Variants in CNTN4 observed in about 807,000 individuals in gnomAD.
CNTN4 encodes the protein contactin-4.
Under a neutral mutation model 122.5 loss-of-function variants are expected in CNTN4, and 77 were observed. That is an observed-to-expected ratio of 0.63 (90% confidence interval 0.52 to 0.76). The LOEUF (loss-of-function observed/expected upper bound fraction) is 0.76. CNTN4 is among the 30% of genes least tolerant of loss of function. CNTN4 has a pLI of 0.00. For synonymous variants in CNTN4, 512 were observed against 447.0 expected (o/e 1.15, Z -1.83); for missense variants, 1,256 against 1,259.1 (o/e 1.00, Z 0.04).
At chr3:2,806,776 C>A (rs2092477380) in intron 6 of CNTN4, among the ~76,000 whole-genome samples, 1 of 152,160 alleles carries the variant, frequency 6.6e-6, no homozygotes, top group Admixed American at 6.5e-5. Flanking sequence ...TGTCACTTGG[C>A]ACTACTTCAC....
intron 3 of CNTN4, among the ~76,000 whole-genome samples, chr3:2,451,477 G>A (rs9853310): frequency 0.4 from 58,901 of 148,734 alleles, 13,663 homozygotes; most frequent in East Asian, 0.77. Context: ...GACAACCCCA[G>A]AGGGTTGAAA....
chr3:2,216,966 A>C (rs149633950), intron 2 of CNTN4, among the ~76,000 whole-genome samples: 1 of 152,202 alleles, frequency 6.6e-6, no homozygotes, highest in Admixed American at 6.5e-5. Flanking sequence ...TTATGACTTC[A>C]AATAACTAGA....
intron 4 of CNTN4, among the ~76,000 whole-genome samples, chr3:2,607,690 G>A (rs2081318233): frequency 6.7e-6 from 1 of 148,452 alleles, no homozygotes; most frequent in Non-Finnish European, 1.5e-5. Flanking sequence ...GAAAACTTCA[G>A]TGAATAAAAG....
At chr3:2,195,882 G>T (rs2037810928) in intron 2 of CNTN4, among the ~76,000 whole-genome samples, 1 of 152,158 alleles carries the variant, frequency 6.6e-6, no homozygotes, top group African/African-American at 2.4e-5. Context: ...TTACATTCTT[G>T]GCAGGAAATA....
chr3:2,465,397 C>T (rs1256785265), intron 3 of CNTN4, among the ~76,000 whole-genome samples: 1 of 152,122 alleles, frequency 6.6e-6, no homozygotes, highest in Non-Finnish European at 1.5e-5. Context: ...AAAATAATGT[C>T]CGGGCGTGGT....
At chr3:2,532,466 T>A (rs1212310870) in intron 3 of CNTN4, among the ~76,000 whole-genome samples, 2 of 152,154 alleles carry the variant, frequency 1.3e-5, no homozygotes, top group Non-Finnish European at 2.9e-5. Flanking sequence ...GACCAAAATG[T>A]TTGTACTAGG....
At chr3:2,562,290 T>C (rs1203199741) in intron 3 of CNTN4, among the ~76,000 whole-genome samples, 1 of 152,140 alleles carries the variant, frequency 6.6e-6, no homozygotes, top group African/African-American at 2.4e-5. Context: ...AGGTATATTG[T>C]GTGATGCTGA....
At chr3:2,758,743 G>A (rs1306890851) in intron 6 of CNTN4, among the ~76,000 whole-genome samples, 2 of 152,072 alleles carry the variant, frequency 1.3e-5, no homozygotes, top group Admixed American at 6.5e-5. Context: ...CAGACCTCAA[G>A]TGATCCACCT....
At chr3:2,916,930 C>G (rs1470823369) in intron 12 of CNTN4, among the ~76,000 whole-genome samples, 1 of 146,510 alleles carries the variant, frequency 6.8e-6, no homozygotes, top group Non-Finnish European at 1.5e-5. Flanking sequence ...AGTCTCGGCA[C>G]TTTGGGAGGC....
chr3:3,027,985 A>G (rs1394802695), intron 15 of CNTN4, among the ~76,000 whole-genome samples: 1 of 152,204 alleles, frequency 6.6e-6, no homozygotes, highest in Non-Finnish European at 1.5e-5. Context: ...AAATACATAG[A>G]AAATTAAGGA....
chr3:2,308,483 T>C (rs2042797628), intron 2 of CNTN4, among the ~76,000 whole-genome samples: 1 of 152,088 alleles, frequency 6.6e-6, no homozygotes. Flanking sequence ...GTTAAGTTAT[T>C]GATTTTAAAT....
At chr3:2,880,958 G>C (rs1236781209) in intron 8 of CNTN4, among the ~76,000 whole-genome samples, 1 of 152,138 alleles carries the variant, frequency 6.6e-6, no homozygotes, top group African/African-American at 2.4e-5. Flanking sequence ...CATCCAGGAG[G>C]AAATTAATAC....
intron 3 of CNTN4, among the ~76,000 whole-genome samples, chr3:2,459,692 C>G (rs1393299051): frequency 6.6e-6 from 1 of 152,010 alleles, no homozygotes; most frequent in Non-Finnish European, 1.5e-5. Flanking sequence ...GCTCAAAGCT[C>G]TAGAAAGTGT....
intron 13 of CNTN4, among the ~76,000 whole-genome samples, chr3:2,953,664 T>C (rs1411977696): frequency 6.6e-6 from 1 of 152,198 alleles, no homozygotes; most frequent in East Asian, 1.9e-4. Context: ...GTATATTGAA[T>C]GATATATTCA....
At chr3:2,870,911 G>T (rs139180138) in intron 8 of CNTN4, among the ~76,000 whole-genome samples, 9 of 152,268 alleles carry the variant, frequency 5.9e-5, no homozygotes, top group African/African-American at 1.4e-4. Context: ...CCTTGGCTCA[G>T]TTCCTAATAC....
intron 13 of CNTN4, among the ~76,000 whole-genome samples, chr3:2,987,029 G>C (rs1389009809): frequency 6.6e-6 from 1 of 152,202 alleles, no homozygotes; most frequent in Non-Finnish European, 1.5e-5. Context: ...TGAGTTGGGA[G>C]AGATCTATCA....
rs73804537 is a variant in CNTN4, at chr3:2,420,105, G to A, written c.-89+80872G>A. Among the ~76,000 whole-genome samples, 534 of 152,300 alleles carry A rather than the reference G, an allele frequency of 3.5e-3. 2 individuals carry two copies. Among genetic ancestry groups the A allele is most frequent in the African/African-American group, 0.012 (482 of 41,560 alleles). On this transcript the variant is annotated intron_variant, in intron 3 of 24. Transcript: ENST00000418658. ...CAAGCAAGCATTGTGACTCCCTGCAGCTGGTGCTGTCAGTGCCCTATCCAT... is the reference window on the plus strand; with the variant it reads ...CAAGCAAGCATTGTGACTCCCTGCAACTGGTGCTGTCAGTGCCCTATCCAT...
chr3:2,484,805 C>G (rs1173947438), intron 3 of CNTN4, among the ~76,000 whole-genome samples: 1 of 152,236 alleles, frequency 6.6e-6, no homozygotes, highest in African/African-American at 2.4e-5. Flanking sequence ...TCTGCGCCCA[C>G]TCTGGCCATG....
chr3:2,620,504 A>AAAT (rs1553590046), intron 4 of CNTN4, among the ~76,000 whole-genome samples: 1 of 151,366 alleles, frequency 6.6e-6, no homozygotes, highest in Non-Finnish European at 1.5e-5. Context: ...TGTATCCAAA[A>AAAT]ATATATATAT....
Sources: allele counts gnomAD v4.1 joint callset (sites outside exome capture counted in the v4.1 genomes callset), GRCh38; gene constraint gnomAD v4.1.1; transcripts MANE v1.5; gene names NCBI Gene and HGNC (gene_info 2026-07-23, HGNC 2026-07-21).